LOC102723971: variants seen among roughly 807,000 people sequenced by gnomAD.
At chr9:135,618,108 C>T in the LOC102723971 span, 12 of 398,390 alleles carry the variant, frequency 3.0e-5, no homozygotes, top group East Asian at 3.9e-4. Context: ...GGTCTGGGGC[C>T]TCGTCTTCCC....
chr9:135,614,361 T>C, the LOC102723971 span: 4 of 383,052 alleles, frequency 1.0e-5, no homozygotes, highest in African/African-American at 6.4e-5. Flanking sequence ...GTACGTGTCA[T>C]GGGTCCAGTC....
At chr9:135,618,537 G>T in the LOC102723971 span, among the ~76,000 whole-genome samples, 4 of 152,110 alleles carry the variant, frequency 2.6e-5, no homozygotes, top group Admixed American at 6.5e-5. Context: ...AAGTGCTATG[G>T]GGGTGGGAGT....
the LOC102723971 span, among the ~76,000 whole-genome samples, chr9:135,618,362 C>T: frequency 6.6e-6 from 1 of 152,156 alleles, no homozygotes; most frequent in Non-Finnish European, 1.5e-5. Context: ...CAGCCAGCCT[C>T]TCCCCTCTGC....
chr9:135,616,045 G>A, the LOC102723971 span, among the ~76,000 whole-genome samples: 819 of 152,344 alleles, frequency 5.4e-3, 3 homozygotes, highest in African/African-American at 0.019. Context: ...TAGACACACC[G>A]CACGGTGGCC....
chr9:135,616,519 G>T, the LOC102723971 span: 1 of 398,252 alleles, frequency 2.5e-6, no homozygotes, highest in Non-Finnish European at 4.4e-6. Context: ...GGGCCACCAC[G>T]TCCTGGGAAA....
At chr9:135,617,087 T>G in the LOC102723971 span, 1 of 398,168 alleles carries the variant, frequency 2.5e-6, no homozygotes, top group Admixed American at 4.4e-5. Context: ...GCGGAGCTGC[T>G]GGACACTCCC....
the LOC102723971 span, chr9:135,615,362 G>A: frequency 7.5e-6 from 3 of 398,696 alleles, no homozygotes; most frequent in Non-Finnish European, 1.3e-5. Context: ...ACCCCTGCAG[G>A]TGGAGGGGCG....
chr9:135,616,016 C>G, the LOC102723971 span, among the ~76,000 whole-genome samples: 3 of 152,232 alleles, frequency 2.0e-5, no homozygotes, highest in African/African-American at 7.2e-5. Context: ...AGACCCACAT[C>G]CTAGCAGACG....
At chr9:135,619,375 AC>A in the LOC102723971 span, among the ~76,000 whole-genome samples, 5 of 151,338 alleles carry the variant, frequency 3.3e-5, no homozygotes, top group African/African-American at 7.3e-5. Context: ...CCTCCGATGC[AC>A]CCCCCTCCCC....
the LOC102723971 span, chr9:135,614,416 A>C: frequency 9.1e-6 from 2 of 219,150 alleles, no homozygotes; most frequent in Non-Finnish European, 1.7e-5. Context: ...CACATTGAGG[A>C]GGTGCAGGGG....
the LOC102723971 span, chr9:135,617,119 G>C: frequency 2.5e-6 from 1 of 396,892 alleles, no homozygotes; most frequent in Non-Finnish European, 4.4e-6. Context: ...GAGACTTGCT[G>C]TCCTGTCTGG....
chr9:135,619,555 G>A, the LOC102723971 span, among the ~76,000 whole-genome samples: 2 of 152,126 alleles, frequency 1.3e-5, no homozygotes, highest in South Asian at 2.1e-4. Flanking sequence ...CCCCACTGAG[G>A]TCCAAGAGCC....
At chr9:135,614,522 C>T in the LOC102723971 span, among the ~76,000 whole-genome samples, 2 of 152,226 alleles carry the variant, frequency 1.3e-5, no homozygotes, top group African/African-American at 2.4e-5. Context: ...CAGGCGGGAG[C>T]GGGCTCTGTC....
the LOC102723971 span, among the ~76,000 whole-genome samples, chr9:135,614,889 G>T: frequency 1.3e-5 from 2 of 152,146 alleles, no homozygotes; most frequent in African/African-American, 4.8e-5. Context: ...CTGACCAGGG[G>T]AACAGAGCTT....
chr9:135,619,187 T>TCCTGCCAACCA, the LOC102723971 span, among the ~76,000 whole-genome samples: 2 of 152,090 alleles, frequency 1.3e-5, no homozygotes, highest in Non-Finnish European at 2.9e-5. Flanking sequence ...CGTCTCCAGG[T>TCCTGCCAACCA]CCTGCCAACC....
At chr9:135,617,435 G>A in the LOC102723971 span, among the ~76,000 whole-genome samples, 1 of 152,222 alleles carries the variant, frequency 6.6e-6, no homozygotes, top group Non-Finnish European at 1.5e-5. Context: ...GGACTGAGTG[G>A]GGGACATCGA....
the LOC102723971 span, chr9:135,615,521 CT>C: frequency 2.5e-6 from 1 of 398,782 alleles, no homozygotes. Flanking sequence ...CCTGCCGCCC[CT>C]CTCAGGCGCT....
At chr9:135,615,004 C>G in the LOC102723971 span, among the ~76,000 whole-genome samples, 1 of 152,196 alleles carries the variant, frequency 6.6e-6, no homozygotes, top group African/African-American at 2.4e-5. Context: ...GTGACTCTTC[C>G]CAAGAAGTAA....
At chr9:135,615,790 G>A in the LOC102723971 span, among the ~76,000 whole-genome samples, 1 of 152,132 alleles carries the variant, frequency 6.6e-6, no homozygotes, top group African/African-American at 2.4e-5. Flanking sequence ...GATCTCCAGT[G>A]TTTGAAAGTT....
Sources: allele counts gnomAD v4.1 joint callset (sites outside exome capture counted in the v4.1 genomes callset), GRCh38; gene constraint gnomAD v4.1.1; transcripts MANE v1.5.